Variants in TMEM71 observed in about 807,000 individuals in gnomAD.
TMEM71 encodes transmembrane protein 71.
A neutral mutation model predicts 38.0 loss-of-function variants in TMEM71; 44 were observed. The ratio of observed to expected loss-of-function variants is 1.16; its 90% CI spans 0.91 to 1.49. TMEM71 has a LOEUF of 1.49. Among genes scored for constraint, TMEM71 ranks in the 40% most tolerant of loss-of-function variants. TMEM71 has a pLI of 0.00. For synonymous variants in TMEM71, 133 were observed against 122.5 expected, an observed-to-expected ratio of 1.09 and a Z score of -0.56; for missense variants, 367 against 348.6, an observed-to-expected ratio of 1.05 and a Z score of -0.42.
In TMEM71 at chr8:132,745,313, T is replaced by A. The variant is rs773901611; in HGVS notation, c.487+1629A>T. On this transcript the variant is annotated intron_variant, in intron 5 of 9. Transcript: ENST00000677595. ...TCTAATATGTAGAACCTATAAGGAG[T>A]TTAAACAATTGAATAAGCAAAAACC... Among the ~76,000 whole-genome samples the A allele has an allele frequency of 3.7e-4, 56 of 151,790 alleles. 1 individual carries two copies. The highest frequency in any genetic ancestry group is 8.8e-5 in the Non-Finnish European group (6 of 67,870).
At chr8:132,771,811 T>C in the TMEM71 span, among the ~76,000 whole-genome samples, 1 of 152,142 alleles carries the variant, frequency 6.6e-6, no homozygotes, top group Non-Finnish European at 1.5e-5. Context: ...AGAGATGACA[T>C]CTCTGCCAAT....
intron 3 of TMEM71, among the ~76,000 whole-genome samples, chr8:132,756,138 A>G (rs1828989546): frequency 1.3e-5 from 2 of 152,046 alleles, no homozygotes; most frequent in Non-Finnish European, 2.9e-5. Flanking sequence ...TGTCTGTATA[A>G]GGAATAAGAG....
intron 5 of TMEM71, among the ~76,000 whole-genome samples, chr8:132,733,849 G>T (rs150504682): frequency 1.3e-5 from 2 of 152,148 alleles, no homozygotes; most frequent in Non-Finnish European, 2.9e-5. Flanking sequence ...CTTGCCATTT[G>T]CAAGAACATG....
intron 7 of TMEM71, among the ~76,000 whole-genome samples, chr8:132,720,577 T>C (rs1266611750): frequency 6.6e-6 from 1 of 152,210 alleles, no homozygotes; most frequent in Non-Finnish European, 1.5e-5. Flanking sequence ...GTTCTTGTGG[T>C]CCCATTGTGA....
intron 6 of TMEM71, among the ~76,000 whole-genome samples, chr8:132,723,839 C>A (rs183102395): frequency 7.2e-5 from 11 of 152,226 alleles, no homozygotes; most frequent in Non-Finnish European, 1.6e-4. Context: ...CAGGGGAACC[C>A]ACCCCCAACA....
At chr8:132,707,096 C>G (rs1357900712), downstream of TMEM71, among the ~76,000 whole-genome samples, 1 of 152,042 alleles carries the variant, frequency 6.6e-6, no homozygotes, top group African/African-American at 2.4e-5. Flanking sequence ...ATGCAGTTTT[C>G]AAAGAAACAA....
rs954884378 is a variant in TMEM71, at chr8:132,710,583, A to T, written c.*384T>A. 4.5e-6 allele frequency: 2 copies of T among 445,062 alleles called. No individual in the cohort carries two copies. The highest frequency in any genetic ancestry group is 7.8e-6 in the Non-Finnish European group (2 of 255,200). 27.6% of individuals were successfully genotyped at this position (445,062 alleles called of 1,614,324 possible). ...AAGCAATTCAGCAAGAGATAGGTGCATGTGGCAGACCCAGAAATCTGGTTA... is the reference window on the plus strand; with the variant it reads ...AAGCAATTCAGCAAGAGATAGGTGCTTGTGGCAGACCCAGAAATCTGGTTA... On this transcript the variant is annotated 3_prime_UTR_variant, in exon 10 of 10. Transcript: ENST00000677595.
At chr8:132,757,077 T>C (rs1410154939) in intron 3 of TMEM71, among the ~76,000 whole-genome samples, 157 bp downstream of exon 3, 18 of 149,942 alleles carry the variant, frequency 1.2e-4, no homozygotes. Flanking sequence ...TTTGTATTTT[T>C]AGTGGAGACG....
intron 7 of TMEM71, among the ~76,000 whole-genome samples, chr8:132,718,174 C>A (rs1221709460): frequency 6.6e-6 from 1 of 152,046 alleles, no homozygotes; most frequent in African/African-American, 2.4e-5. Flanking sequence ...GTGATGGTTG[C>A]ACAATTTTGT....
At chr8:132,721,742 G>C (rs900459697) in intron 7 of TMEM71, among the ~76,000 whole-genome samples, 3 of 151,748 alleles carry the variant, frequency 2.0e-5, no homozygotes, top group African/African-American at 7.3e-5. Context: ...CACCATGTTG[G>C]TCAGGCTGGT....
the TMEM71 span, among the ~76,000 whole-genome samples, chr8:132,765,949 A>G: frequency 1.3e-5 from 2 of 151,372 alleles, no homozygotes; most frequent in Non-Finnish European, 2.9e-5. Context: ...CCACCAGCTA[A>G]TTTTTGTATC....
chr8:132,716,727 T>C (rs981401191), intron 7 of TMEM71, among the ~76,000 whole-genome samples: 1 of 152,210 alleles, frequency 6.6e-6, no homozygotes, highest in Non-Finnish European at 1.5e-5. Context: ...TCAATGCTTG[T>C]ACTTTATAGT....
At chr8:132,708,120 T>C (rs1396271376), downstream of TMEM71, among the ~76,000 whole-genome samples, 1 of 152,232 alleles carries the variant, frequency 6.6e-6, no homozygotes, top group African/African-American at 2.4e-5. Flanking sequence ...ATCTTTTGTG[T>C]ACAGCAGACG....
At chr8:132,770,273 A>C in the TMEM71 span, among the ~76,000 whole-genome samples, 3 of 152,220 alleles carry the variant, frequency 2.0e-5, no homozygotes, top group South Asian at 6.2e-4. Context: ...GTTGTGTTGA[A>C]TATTAGTTAT....
intron 3 of TMEM71, among the ~76,000 whole-genome samples, chr8:132,755,547 T>C (rs1306541223): frequency 6.6e-6 from 1 of 152,162 alleles, no homozygotes; most frequent in Non-Finnish European, 1.5e-5. Context: ...GCCTAAATCA[T>C]GCCTCCTAGG....
chr8:132,730,425 C>T (rs1336087583), intron 5 of TMEM71, among the ~76,000 whole-genome samples: 1 of 152,144 alleles, frequency 6.6e-6, no homozygotes, highest in Non-Finnish European at 1.5e-5. Context: ...GACATGAGCT[C>T]ACAATCTAAA....
the TMEM71 span, among the ~76,000 whole-genome samples, chr8:132,775,821 C>A: frequency 4.0e-4 from 61 of 152,282 alleles, no homozygotes; most frequent in African/African-American, 1.4e-3. Context: ...TTCCTTACCC[C>A]CCTGCGGAGG....
rs1292619295 is a variant in TMEM71, at chr8:132,710,713, T to TCC, written c.*252_*253dup. 1.2e-5 allele frequency: 7 copies of TCC among 560,950 alleles called. No individual in the cohort carries two copies. Among genetic ancestry groups the TCC allele is most frequent in the Non-Finnish European group, 1.9e-5 (6 of 321,980 alleles). 34.7% of individuals were successfully genotyped at this position (560,950 alleles called of 1,614,324 possible). The stretch of plus-strand genomic sequence containing the variant: ...CCAGGCGGTCTCTTTTCCATCACAT[T>TCC]CCCCGTCCTTTTCCTTTCAACTGCC... On this transcript the variant is annotated 3_prime_UTR_variant, in exon 10 of 10. Transcript: ENST00000677595.
At chr8:132,727,259 AT>A (rs769270352) in intron 6 of TMEM71, among the ~76,000 whole-genome samples, 4,448 of 139,760 alleles carry the variant, frequency 0.032, 157 homozygotes, top group African/African-American at 0.098. Context: ...TATTCTCAGA[AT>A]TTTTTTTTTT....
Sources: gnomAD v4.1 joint callset for allele counts (sites outside exome capture counted in the v4.1 genomes callset) on GRCh38, gnomAD v4.1.1 for gene constraint, MANE v1.5 for transcripts, NCBI Gene and HGNC (gene_info 2026-07-23, HGNC 2026-07-21) for gene names.